GBF1: variants seen among roughly 807,000 people sequenced by gnomAD.
GBF1 encodes the protein golgi brefeldin A resistant guanine nucleotide exchange factor 1.
GBF1 carries 114 observed loss-of-function variants against 210.5 expected under a neutral mutation model. That is an observed-to-expected ratio of 0.54 (90% CI 0.47 to 0.63). The LOEUF is 0.63. GBF1 is among the 30% of genes least tolerant of loss of function. GBF1 has a pLI of 0.00. For missense variants in GBF1, 1,851 were observed against 2,357.7 expected (o/e 0.79, Z 4.45); for synonymous variants, 850 against 889.2 (o/e 0.96, Z 0.78).
intron 3 of GBF1, among the ~76,000 whole-genome samples, chr10:102,301,123 C>T (rs967879779): frequency 3.7e-4 from 56 of 152,174 alleles, no homozygotes; most frequent in African/African-American, 1.3e-3. Context: ...GCAGAGGACC[C>T]TGTGGCCTTC....
At position 102,269,941 on chromosome 10, in the gene GBF1, C is replaced by T. The variant is rs1253804499; in HGVS notation, c.163+9825C>T. Among the ~76,000 whole-genome samples the T allele has an allele frequency of 2.6e-5, 4 of 151,448 alleles. No homozygotes were observed. The East Asian group carries it at 5.8e-4, about 22-fold the overall frequency. On this transcript the variant is annotated intron_variant, in intron 3 of 39. Coordinates refer to ENST00000369983, the MANE Select transcript of GBF1 (RefSeq NM_001377137.1). The stretch of plus-strand genomic sequence containing the variant: ...TCACCGCGGCTAGAGTGCAGTGGCG[C>T]GATCTCAGCTCACTGCCAGCTCTGC...
rs1159527167 is a variant in GBF1, at chr10:102,362,678, CT to C, written c.1876+17del. ...AAGCTAGCAATAGTGAGAGGCATTT[CT>C]TTCTTTGATGAACCCAGTGTTCTAT... On this transcript the variant is annotated intron_variant, in intron 15 of 39. Coordinates refer to ENST00000369983, the MANE Select transcript of GBF1 (RefSeq NM_001377137.1). 2 of 1,603,006 alleles carry C rather than the reference CT, an allele frequency of 1.2e-6. No homozygotes were observed. The highest frequency in any genetic ancestry group is 2.2e-5 in the East Asian group (1 of 44,838).
At chr10:102,259,981 A>G in intron 2 of GBF1, 69 bp from the exon 3 acceptor site, 1 of 837,962 alleles carries the variant, frequency 1.2e-6, no homozygotes, top group Non-Finnish European at 2.1e-6. Flanking sequence ...AGAGCCCTTG[A>G]TCTGTCCTTT....
chr10:102,251,831 C>T (rs1187416869), intron 1 of GBF1, among the ~76,000 whole-genome samples: 1 of 152,134 alleles, frequency 6.6e-6, no homozygotes, highest in Non-Finnish European at 1.5e-5. Flanking sequence ...GCTGGGATCA[C>T]AGACATCAGC....
At chr10:102,345,518 G>C (rs1224184493) in intron 4 of GBF1, among the ~76,000 whole-genome samples, 1 of 150,334 alleles carries the variant, frequency 6.7e-6, no homozygotes, top group South Asian at 2.1e-4. Flanking sequence ...AGGGTGGTAC[G>C]TGCCTGTAAT....
chr10:102,308,907 A>G (rs2078172015), intron 3 of GBF1, among the ~76,000 whole-genome samples: 1 of 151,916 alleles, frequency 6.6e-6, no homozygotes, highest in African/African-American at 2.4e-5. Flanking sequence ...AAGAAGCCAA[A>G]CCAAAGGAGC....
chr10:102,309,900 T>TA (rs1284569504), intron 3 of GBF1, among the ~76,000 whole-genome samples: 1 of 152,222 alleles, frequency 6.6e-6, no homozygotes, highest in African/African-American at 2.4e-5. Context: ...CTAGTGTTAA[T>TA]ATAGTCTGGG....
intron 3 of GBF1, among the ~76,000 whole-genome samples, chr10:102,270,693 C>T (rs186456022): frequency 6.6e-6 from 1 of 152,182 alleles, no homozygotes; most frequent in African/African-American, 2.4e-5. Context: ...TACATAATAC[C>T]ATTATCACAA....
In GBF1 at chr10:102,363,679, G is replaced by C. The variant is rs1396729946; in HGVS notation, c.2018-31G>C. 1 of 1,431,180 alleles carries C rather than the reference G, an allele frequency of 7.0e-7. No homozygotes were observed. The highest frequency in any genetic ancestry group is 1.7e-5 in the Admixed American group (1 of 59,584). The allele number at this position is 1,431,180 out of a possible 1,614,324, so 88.7% of individuals were successfully genotyped here. Reference sequence around the variant, plus strand: ...TATCTGGGTAAAAAAAGGTGTTACAGATATTTCCCCCCTCTTCTTCCTACT... The same window carrying C: ...TATCTGGGTAAAAAAAGGTGTTACACATATTTCCCCCCTCTTCTTCCTACT... On this transcript the variant is annotated intron_variant, in intron 16 of 39. Transcript: ENST00000369983. The surrounding 1 kb of genome is among the most constrained non-coding windows in gnomAD (Gnocchi z 4.2).
intron 1 of GBF1, among the ~76,000 whole-genome samples, chr10:102,256,778 C>T (rs2072453237): frequency 6.6e-6 from 1 of 152,108 alleles, no homozygotes; most frequent in Admixed American, 6.6e-5. Context: ...TCCTGAAGTG[C>T]TGGGATTACA....
chr10:102,316,238 C>A (rs1002274216), intron 3 of GBF1, among the ~76,000 whole-genome samples: 1 of 152,006 alleles, frequency 6.6e-6, no homozygotes, highest in Non-Finnish European at 1.5e-5. Context: ...AAGCGTGTGC[C>A]ACCACACCTG....
At position 102,376,816 on chromosome 10, in the gene GBF1, A is replaced by T; in HGVS notation, c.4288+16A>T. The T allele has an allele frequency of 6.2e-7, 1 of 1,608,784 alleles. No homozygotes were observed. The highest frequency in any genetic ancestry group is 8.5e-7 in the Non-Finnish European group (1 of 1,179,256). On this transcript the variant is annotated intron_variant, in intron 32 of 39. Transcript: ENST00000369983. Reference sequence around the variant, plus strand: ...CTGAATGGCGGTGGGTCAGCTGATGAGGGGGCAGCTGGGGAGTAGCCATGC... The same window carrying T: ...CTGAATGGCGGTGGGTCAGCTGATGTGGGGGCAGCTGGGGAGTAGCCATGC...
intron 23 of GBF1, 117 bp downstream of exon 23, chr10:102,368,949 A>G (rs2060059611): frequency 1.4e-6 from 1 of 703,928 alleles, no homozygotes; most frequent in East Asian, 2.5e-5. Flanking sequence ...CACTGCCCCC[A>G]CTTGAATATA....
chr10:102,362,414 A>G (rs944135667), intron 14 of GBF1, 61 bp from the exon 15 acceptor site: 1 of 1,245,366 alleles, frequency 8.0e-7, no homozygotes, highest in South Asian at 1.4e-5. Context: ...AATTTTAGAA[A>G]ATGATCAAAG....
rs1275942850 is a variant in GBF1 at position 102,368,394 on chromosome 10, C to T, written c.2819C>T (p.Ser940Phe). The part of the protein sequence containing the change: ...MTWGPTIAAL[S>F]YVFDKSLEET... Reference sequence around the variant, plus strand: ...TGGGGCCCCACTATTGCTGCTCTCTCTTATGTCTTTGACAAAAGCCTTGAG... The same window carrying T: ...TGGGGCCCCACTATTGCTGCTCTCTTTTATGTCTTTGACAAAAGCCTTGAG... Residue 940 changes from serine (S) to phenylalanine (F), a missense_variant, in exon 22 of 40, where the codon TCT becomes TTT. Transcript: ENST00000369983. The T allele has an allele frequency of 1.9e-5, 30 of 1,613,904 alleles. No individual in the cohort carries two copies. Among genetic ancestry groups the T allele is most frequent in the Non-Finnish European group, 2.4e-5 (28 of 1,179,874 alleles).
chr10:102,294,876 C>T (rs2133735995), intron 3 of GBF1, among the ~76,000 whole-genome samples: 1 of 152,252 alleles, frequency 6.6e-6, no homozygotes, highest in Admixed American at 6.5e-5. Context: ...TTTGTGTAAG[C>T]ATACTCTATG....
chr10:102,232,210 C>T, the GBF1 span: 24 of 673,984 alleles, frequency 3.6e-5, no homozygotes, highest in South Asian at 3.4e-4. Context: ...AGCCGTAAAG[C>T]TGGGGCTGCG....
At chr10:102,271,273 G>C (rs931430315) in intron 3 of GBF1, among the ~76,000 whole-genome samples, 1 of 152,048 alleles carries the variant, frequency 6.6e-6, no homozygotes, top group Non-Finnish European at 1.5e-5. Context: ...TCCTGACCTC[G>C]TGATCTGCCC....
At chr10:102,343,933 GGAA>G (rs2058362478) in intron 3 of GBF1, 115 bp from the exon 4 acceptor site, 4 of 704,448 alleles carry the variant, frequency 5.7e-6, no homozygotes, top group Non-Finnish European at 9.9e-6. Context: ...TAATCCAGAG[GGAA>G]GAAGATTGAC....
Sources: gnomAD v4.1 joint callset for allele counts (sites outside exome capture counted in the v4.1 genomes callset) on GRCh38, gnomAD v4.1.1 for gene constraint, Gnocchi (gnomAD v3.1) non-coding constraint, MANE v1.5 for transcripts, NCBI Gene and HGNC (gene_info 2026-07-23, HGNC 2026-07-21) for gene names.